The following MDGA2 variants were observed in gnomAD, a reference collection of about 807,000 sequenced individuals.
MDGA2 encodes the protein MAM domain containing glycosylphosphatidylinositol anchor 2.
Under a neutral mutation model 117.8 loss-of-function variants are expected in MDGA2, and 40 were observed. The observed-to-expected ratio is 0.34, with a 90% CI of 0.26 to 0.44. The LOEUF (loss-of-function observed/expected upper bound fraction) is 0.44, where lower values mean the gene tolerates loss of function less well. Among genes scored for constraint, MDGA2 ranks in the 20% least tolerant of loss-of-function variants. The pLI, the probability that MDGA2 is intolerant of heterozygous loss-of-function variation, is 1.00. For synonymous variants in MDGA2, 452 were observed against 439.0 expected (o/e 1.03, Z -0.37); for missense variants, 1,123 against 1,250.6 (o/e 0.90, Z 1.54).
intron 1 of MDGA2, among the ~76,000 whole-genome samples, chr14:47,480,033 T>A (rs1171858525): frequency 6.6e-6 from 1 of 151,996 alleles, no homozygotes; most frequent in Non-Finnish European, 1.5e-5. Flanking sequence ...AAATTTCATA[T>A]GCTAAACTGG....
intron 10 of MDGA2, among the ~76,000 whole-genome samples, chr14:46,897,915 T>A (rs1031021611): frequency 6.6e-6 from 1 of 151,944 alleles, no homozygotes; most frequent in Non-Finnish European, 1.5e-5. Context: ...AAATGATAGA[T>A]AGATCCTAAT....
chr14:47,332,661 T>G (rs535940430), intron 1 of MDGA2, among the ~76,000 whole-genome samples: 1 of 152,050 alleles, frequency 6.6e-6, no homozygotes, highest in East Asian at 1.9e-4. Context: ...AAATAACAAT[T>G]TTTTAAATTT....
At chr14:46,921,087 C>A (rs1884109671) in intron 9 of MDGA2, among the ~76,000 whole-genome samples, 1 of 152,034 alleles carries the variant, frequency 6.6e-6, no homozygotes, top group South Asian at 2.1e-4. Flanking sequence ...TTACAAATAA[C>A]ATATTTATTT....
rs182755294 is a variant in MDGA2, at chr14:47,511,578, T to G, written c.280+162939A>C. ...GGAAACAGTTAATGTGCAAGAGGGTTGTTTTGTTTGTTTGTTGCCCTTTTC... is the reference window on the plus strand; with the variant it reads ...GGAAACAGTTAATGTGCAAGAGGGTGGTTTTGTTTGTTTGTTGCCCTTTTC... On this transcript the variant is annotated intron_variant, in intron 1 of 16. Transcript: ENST00000399232. 5.7e-3 allele frequency among the ~76,000 whole-genome samples: 864 copies of G among 152,304 alleles called. 8 individuals carry two copies. The highest frequency in any genetic ancestry group is 0.013 in the South Asian group (63 of 4,832).
intron 10 of MDGA2, among the ~76,000 whole-genome samples, chr14:46,894,718 A>C (rs1465286945): frequency 1.2e-4 from 19 of 152,190 alleles, no homozygotes. Flanking sequence ...TGTATTACTG[A>C]CATATCCCCC....
intron 8 of MDGA2, among the ~76,000 whole-genome samples, chr14:47,008,108 T>C (rs903678664): frequency 6.6e-6 from 1 of 151,906 alleles, no homozygotes; most frequent in East Asian, 1.9e-4. Context: ...GAATATTCCA[T>C]AATGGATAAA....
intron 1 of MDGA2, among the ~76,000 whole-genome samples, chr14:47,303,633 G>A (rs1352283852): frequency 6.6e-6 from 1 of 151,888 alleles, no homozygotes; most frequent in Non-Finnish European, 1.5e-5. Context: ...AGAGGTTAAC[G>A]AATTGATGAA....
Position 46,874,200 on chromosome 14 carries a change from C to A in MDGA2, c.2438G>T (p.Arg813Ile). 7.2e-7 allele frequency: 1 copy of A among 1,396,554 alleles called. No homozygotes were observed. Among genetic ancestry groups the A allele is most frequent in the South Asian group, 1.8e-5 (1 of 54,628 alleles). 86.5% of individuals were successfully genotyped at this position (1,396,554 alleles called of 1,614,324 possible). A position where few individuals can be genotyped will look rare whatever the true frequency, so the allele number is the denominator to read the frequency against. The change falls in exon 13 of 17, where the codon AGA (arginine) becomes ATA (isoleucine). Residue 813 changes from arginine to isoleucine, a missense_variant and splice_region_variant. Arg to Ile is a moderately conservative substitution (Grantham distance 97). Transcript: ENST00000399232. ...ATCTTCAAATCCACAATGAAATTCT[C>A]CTGTTGGTAAATTTTAATTAAATTA... Reference protein sequence around the residue: ...KYSAPVNPHLREFHCGFEDGN... With the variant: ...KYSAPVNPHLIEFHCGFEDGN...
intron 3 of MDGA2, chr14:47,200,804 C>T (rs1033715062): frequency 7.5e-6 from 6 of 803,646 alleles, no homozygotes; most frequent in South Asian, 4.2e-5. Flanking sequence ...AGGCTTCAAA[C>T]GCACGACCTT....
chr14:47,509,852 G>A (rs973094474), intron 1 of MDGA2, among the ~76,000 whole-genome samples: 2 of 152,248 alleles, frequency 1.3e-5, no homozygotes, highest in Middle Eastern at 3.4e-3. Flanking sequence ...ACAGCAATTT[G>A]CCTAGGGATG....
At chr14:47,467,407 T>C (rs865925940) in intron 1 of MDGA2, among the ~76,000 whole-genome samples, 1 of 152,250 alleles carries the variant, frequency 6.6e-6, no homozygotes, top group Middle Eastern at 3.4e-3. Context: ...TCTTGTAGCA[T>C]GATATCCAAT....
intron 1 of MDGA2, among the ~76,000 whole-genome samples, chr14:47,661,691 C>A (rs1247087778): frequency 2.7e-5 from 4 of 150,610 alleles, no homozygotes; most frequent in African/African-American, 9.8e-5. Context: ...TGCTGTTAGG[C>A]AGCTAAGAAA....
At chr14:47,157,593 ATATGTGTGTG>A (rs1446772727) in intron 3 of MDGA2, among the ~76,000 whole-genome samples, 2 of 125,286 alleles carry the variant, frequency 1.6e-5, no homozygotes, top group South Asian at 5.2e-4. Flanking sequence ...CTATGTACAT[ATATGTGTGTG>A]TGTGTGTGTG....
chr14:47,316,813 A>T (rs1456883469), intron 1 of MDGA2, among the ~76,000 whole-genome samples: 1 of 152,142 alleles, frequency 6.6e-6, no homozygotes, highest in African/African-American at 2.4e-5. Flanking sequence ...CATTTTCCAT[A>T]CTGAAATTTC....
intron 1 of MDGA2, among the ~76,000 whole-genome samples, chr14:47,488,424 C>T (rs1894103220): frequency 6.6e-6 from 1 of 152,066 alleles, no homozygotes; most frequent in Non-Finnish European, 1.5e-5. Flanking sequence ...TATATTTCTA[C>T]TACTTTGTGT....
chr14:47,535,039 T>C (rs1895179891), intron 1 of MDGA2, among the ~76,000 whole-genome samples: 1 of 152,220 alleles, frequency 6.6e-6, no homozygotes, highest in Non-Finnish European at 1.5e-5. Context: ...AAAGTTCTAT[T>C]TTAATATGTC....
chr14:47,446,968 T>C (rs1211346162), intron 1 of MDGA2, among the ~76,000 whole-genome samples: 1 of 152,146 alleles, frequency 6.6e-6, no homozygotes, highest in Non-Finnish European at 1.5e-5. Flanking sequence ...GTGACTCTAA[T>C]CATTATATTG....
intron 3 of MDGA2, among the ~76,000 whole-genome samples, chr14:47,160,396 C>CA (rs1883583474): frequency 6.6e-6 from 1 of 152,006 alleles, no homozygotes; most frequent in Admixed American, 6.6e-5. Context: ...AACAAACAAA[C>CA]AACAACAACA....
At chr14:46,852,770 A>G (rs1881112102) in intron 15 of MDGA2, among the ~76,000 whole-genome samples, 1 of 151,916 alleles carries the variant, frequency 6.6e-6, no homozygotes, top group African/African-American at 2.4e-5. Context: ...GCCCTATACC[A>G]AACATTACTC....
Sources: gnomAD v4.1 joint callset for allele counts (sites outside exome capture counted in the v4.1 genomes callset) on GRCh38, gnomAD v4.1.1 for gene constraint, MANE v1.5 for transcripts, NCBI Gene and HGNC (gene_info 2026-07-23, HGNC 2026-07-21) for gene names.